The following CDH18 variants were observed in gnomAD, a reference collection of about 807,000 sequenced individuals.
CDH18 encodes cadherin 18.
A neutral mutation model predicts 67.9 loss-of-function variants in CDH18; 31 were observed. That is an observed-to-expected ratio of 0.46 (90% CI 0.34 to 0.62). The LOEUF is 0.62. Ranked by LOEUF, CDH18 falls within the 20% of genes least tolerant of loss-of-function variation. The pLI, the probability that CDH18 is intolerant of heterozygous loss-of-function variation, is 0.01. For missense variants in CDH18, 890 were observed against 975.5 expected, an observed-to-expected ratio of 0.91 and a Z score of 1.17; for synonymous variants, 362 against 347.2, an observed-to-expected ratio of 1.04 and a Z score of -0.48.
In CDH18 at chr5:19,796,258, C is replaced by T. The variant is rs542157403; in HGVS notation, c.228+42501G>A. Among the ~76,000 whole-genome samples the T allele has an allele frequency of 4.1e-4, 63 of 152,038 alleles. 1 individual carries two copies. The highest frequency in any genetic ancestry group is 2.1e-3 in the South Asian group (10 of 4,814). On this transcript the variant is annotated intron_variant, in intron 3 of 12. Coordinates refer to ENST00000382275, the MANE Select transcript of CDH18 (RefSeq NM_004934.5). ...CCAAACAGGTTAAATTCAAACAAAT[C>T]CACAACAAGATTTAACATAATTAAT...
intron 2 of CDH18, among the ~76,000 whole-genome samples, chr5:20,088,367 T>C (rs567231823): frequency 6.6e-6 from 1 of 152,342 alleles, no homozygotes; most frequent in South Asian, 2.1e-4. Context: ...GTAATAAGTT[T>C]CGGAATGGTC....
intron 9 of CDH18, among the ~76,000 whole-genome samples, chr5:19,535,343 C>T (rs1043967764): frequency 9.9e-5 from 15 of 152,128 alleles, no homozygotes; most frequent in African/African-American, 3.6e-4. Flanking sequence ...ATTAGGATCT[C>T]TTTGTGTGCT....
chr5:19,934,317 G>A (rs2150208953), intron 2 of CDH18, among the ~76,000 whole-genome samples: 1 of 151,508 alleles, frequency 6.6e-6, no homozygotes, highest in South Asian at 2.1e-4. Flanking sequence ...AGTGACATAA[G>A]TCTGAATTCA....
At chr5:19,957,929 T>C (rs554751169) in intron 2 of CDH18, among the ~76,000 whole-genome samples, 42 of 152,220 alleles carry the variant, frequency 2.8e-4, no homozygotes, top group Middle Eastern at 6.8e-3. Flanking sequence ...ATAATTTTCA[T>C]GCCAAAACAT....
intron 1 of CDH18, among the ~76,000 whole-genome samples, chr5:20,299,305 A>C (rs937003540): frequency 6.6e-6 from 1 of 152,108 alleles, no homozygotes; most frequent in Non-Finnish European, 1.5e-5. Context: ...TCATCAAAAT[A>C]GAAATGTCAG....
intron 3 of CDH18, among the ~76,000 whole-genome samples, chr5:19,791,518 T>C (rs1414776144): frequency 6.6e-6 from 1 of 152,186 alleles, no homozygotes; most frequent in East Asian, 1.9e-4. Flanking sequence ...GTTAACTTTC[T>C]GGAAATATCT....
At chr5:20,119,716 G>C (rs1361549178) in intron 2 of CDH18, among the ~76,000 whole-genome samples, 4 of 152,158 alleles carry the variant, frequency 2.6e-5, no homozygotes, top group African/African-American at 7.2e-5. Context: ...TGTGGTGCCA[G>C]GCACCGAGCT....
At chr5:19,935,965 C>A (rs578047157) in intron 2 of CDH18, among the ~76,000 whole-genome samples, 1 of 150,844 alleles carries the variant, frequency 6.6e-6, no homozygotes, top group Non-Finnish European at 1.5e-5. Context: ...ATTGAAATAG[C>A]TGTTATTTTC....
intron 3 of CDH18, among the ~76,000 whole-genome samples, chr5:19,759,385 C>T (rs1419721143): frequency 1.3e-5 from 2 of 152,162 alleles, no homozygotes; most frequent in African/African-American, 4.8e-5. Flanking sequence ...GTAGAGGCAG[C>T]TCTAAAGGCT....
At chr5:20,493,948 G>A (rs2471128) in intron 1 of CDH18, among the ~76,000 whole-genome samples, 140,207 of 151,694 alleles carry the variant, frequency 0.92, 65,188 homozygotes, top group South Asian at 0.98. Context: ...AACAAAAACA[G>A]CAAAAAAAAA....
intron 1 of CDH18, among the ~76,000 whole-genome samples, chr5:20,557,251 G>A (rs527237345): frequency 8.6e-5 from 13 of 152,010 alleles, no homozygotes; most frequent in African/African-American, 2.2e-4. Context: ...GAAGACATAC[G>A]AAACAATGCA....
At chr5:20,021,913 C>T (rs1413593368) in intron 2 of CDH18, among the ~76,000 whole-genome samples, 2 of 152,140 alleles carry the variant, frequency 1.3e-5, no homozygotes, top group Non-Finnish European at 2.9e-5. Flanking sequence ...GCCATGGACA[C>T]AGCAATTGAT....
intron 2 of CDH18, among the ~76,000 whole-genome samples, chr5:20,149,998 A>C (rs1750975416): frequency 6.6e-6 from 1 of 152,108 alleles, no homozygotes; most frequent in Non-Finnish European, 1.5e-5. Context: ...AAAAAAATGA[A>C]CACATGTTAT....
chr5:20,275,224 T>C (rs891894894), intron 1 of CDH18, among the ~76,000 whole-genome samples: 6 of 151,994 alleles, frequency 3.9e-5, no homozygotes, highest in African/African-American at 7.3e-5. Context: ...TGGGAGGTGA[T>C]TGGATCATGA....
chr5:20,381,699 G>A (rs1031685799), intron 1 of CDH18, among the ~76,000 whole-genome samples: 1 of 152,136 alleles, frequency 6.6e-6, no homozygotes, highest in African/African-American at 2.4e-5. Context: ...AGTCTCCAGA[G>A]AGAAGAATAT....
At chr5:19,887,607 T>C (rs1306298119) in intron 2 of CDH18, among the ~76,000 whole-genome samples, 2 of 151,916 alleles carry the variant, frequency 1.3e-5, no homozygotes, top group Non-Finnish European at 2.9e-5. Context: ...TCTAACTCTG[T>C]CTTCAGTGTG....
At position 20,234,720 on chromosome 5, in the gene CDH18, C is replaced by G. The variant is rs1057471082; in HGVS notation, c.-518+20724G>C. Among the ~76,000 whole-genome samples the G allele has an allele frequency of 2.0e-5, 3 of 151,818 alleles. No homozygotes were observed. The South Asian group carries it at 6.2e-4, about 31-fold the overall frequency. On this transcript the variant is annotated intron_variant, in intron 2 of 14. Coordinates refer to the CDH18 transcript ENST00000507958. ...TTCCCAAATTAAACACACACAAAAA[C>G]AGAATTAAAAAAAAATTCTGTAGAG... is the stretch of plus-strand genomic sequence containing the variant.
At chr5:19,937,114 C>T (rs1036411780) in intron 2 of CDH18, among the ~76,000 whole-genome samples, 5 of 151,286 alleles carry the variant, frequency 3.3e-5, no homozygotes, top group Non-Finnish European at 5.9e-5. Context: ...ACATTATAGA[C>T]ATTTGGAAAA....
At chr5:19,895,888 T>G (rs1789268918) in intron 2 of CDH18, among the ~76,000 whole-genome samples, 1 of 151,886 alleles carries the variant, frequency 6.6e-6, no homozygotes, top group Admixed American at 6.6e-5. Flanking sequence ...GAGGTAGACA[T>G]GGTAAAAGGG....
Sources: allele counts gnomAD v4.1 joint callset (sites outside exome capture counted in the v4.1 genomes callset), GRCh38; gene constraint gnomAD v4.1.1; transcripts MANE v1.5; gene names NCBI Gene and HGNC (gene_info 2026-07-23, HGNC 2026-07-21).